Variants in SIPA1L1 observed in about 807,000 individuals in gnomAD.
SIPA1L1 encodes signal-induced proliferation-associated 1-like protein 1.
In SIPA1L1, 26 loss-of-function variants were observed where a neutral mutation model predicts 162.7. That is an observed-to-expected ratio of 0.16 (90% confidence interval 0.12 to 0.22). The LOEUF (loss-of-function observed/expected upper bound fraction) is 0.22. Ranked by LOEUF, SIPA1L1 falls within the 10% of genes least tolerant of loss-of-function variation. The pLI is 1.00. For missense variants in SIPA1L1, 1,874 were observed against 2,241.0 expected, an observed-to-expected ratio of 0.84 and a Z score of 3.31; for synonymous variants, 829 against 837.4, an observed-to-expected ratio of 0.99 and a Z score of 0.17.
chr14:71,380,582 C>CT (rs2039808084), intron 2 of SIPA1L1, among the ~76,000 whole-genome samples: 1 of 152,162 alleles, frequency 6.6e-6, no homozygotes, highest in Non-Finnish European at 1.5e-5. Flanking sequence ...GAGAACAAGA[C>CT]TTTAAGAGAA....
At chr14:71,479,332 T>TTTAG (rs1555433689) in intron 2 of SIPA1L1, among the ~76,000 whole-genome samples, 1 of 135,612 alleles carries the variant, frequency 7.4e-6, no homozygotes, top group East Asian at 2.2e-4. Flanking sequence ...TGTGTGTGTA[T>TTTAG]GTAGGTATGT....
chr14:71,334,556 C>A, intron 2 of SIPA1L1, among the ~76,000 whole-genome samples: 1 of 152,144 alleles, frequency 6.6e-6, no homozygotes, highest in East Asian at 1.9e-4. Context: ...GAGTGTGGTA[C>A]CAGACTTGCC....
In SIPA1L1 at chr14:71,702,495, T is replaced by C; in HGVS notation, c.3636T>C (p.Ala1212=). The C allele has an allele frequency of 5.6e-6, 9 of 1,614,120 alleles. No individual in the cohort carries two copies. Among genetic ancestry groups the C allele is most frequent in the Non-Finnish European group, 7.6e-6 (9 of 1,179,962 alleles). The change falls in exon 15 of 24, where the codon GCT becomes GCC. Residue 1212 remains alanine (A), a synonymous_variant. Coordinates refer to ENST00000381232, the MANE Select transcript of SIPA1L1 (RefSeq NM_001386936.1). Reference sequence around the variant, plus strand: ...GGCAAAGAAGTGAGGATAGCATTGCTGACCAGATGGGTAAGTAATCAATTT... The same window carrying C: ...GGCAAAGAAGTGAGGATAGCATTGCCGACCAGATGGGTAAGTAATCAATTT... ...PSWQRSEDSI[A]DQMEPTCHLP... is the part of the protein sequence containing the mutation.
intron 18 of SIPA1L1, among the ~76,000 whole-genome samples, chr14:71,724,104 T>G (rs2084009581): frequency 6.6e-6 from 1 of 152,234 alleles, no homozygotes; most frequent in African/African-American, 2.4e-5. Context: ...ATGTTAGGAT[T>G]TGAGAATCTT....
At chr14:71,492,375 AAG>A (rs1436412992) in intron 2 of SIPA1L1, among the ~76,000 whole-genome samples, 1 of 152,194 alleles carries the variant, frequency 6.6e-6, no homozygotes, top group Admixed American at 6.5e-5. Flanking sequence ...CCTGTTAAAA[AAG>A]AGCCAGAAGT....
intron 2 of SIPA1L1, chr14:71,321,528 C>T (rs1438162957): frequency 6.6e-6 from 1 of 152,318 alleles, no homozygotes; most frequent in Non-Finnish European, 1.5e-5. Context: ...CTCCAGTCAC[C>T]TGGGTGAGCG....
intron 4 of SIPA1L1, chr14:71,586,599 G>A (rs997563349): frequency 6.6e-6 from 1 of 152,198 alleles, no homozygotes; most frequent in Admixed American, 6.5e-5. Flanking sequence ...ACGCAACCAT[G>A]CAGAATTTTG....
intron 2 of SIPA1L1, chr14:71,467,285 T>A (rs1332195268): frequency 1.3e-5 from 2 of 152,242 alleles, no homozygotes; most frequent in African/African-American, 4.8e-5. Flanking sequence ...ATCAGGTTAT[T>A]TGAATCAAGT....
Position 71,635,565 on chromosome 14 carries a change from GATAT to G in SIPA1L1, c.1818+11335_1818+11338del, listed in dbSNP as rs1240758420. 2.6e-5 allele frequency among the ~76,000 whole-genome samples: 4 copies of G among 152,066 alleles called. No individual in the cohort carries two copies. In the East Asian group the frequency reaches 7.7e-4, roughly 29 times the overall value. On this transcript the variant is annotated intron_variant, in intron 7 of 23. Coordinates refer to ENST00000381232, the MANE Select transcript of SIPA1L1 (RefSeq NM_001386936.1). ...TGTAGATATCAACTACATAGATAAA[GATAT>G]ATATAGTAATACATAGAGCAATCAC...
chr14:71,738,401 G>C, intron 23 of SIPA1L1, 76 bp downstream of exon 23: 1 of 1,001,940 alleles, frequency 1.0e-6, no homozygotes, highest in Non-Finnish European at 1.5e-6. Flanking sequence ...TTTCTAAGTA[G>C]CATGGTAAAA....
intron 7 of SIPA1L1, among the ~76,000 whole-genome samples, chr14:71,624,743 C>T (rs2039800985): frequency 6.6e-6 from 1 of 152,120 alleles, no homozygotes; most frequent in African/African-American, 2.4e-5. Flanking sequence ...CAATTTCACA[C>T]AGTTAGTAAG....
intron 14 of SIPA1L1, among the ~76,000 whole-genome samples, chr14:71,700,157 AT>A (rs2081975456): frequency 6.6e-6 from 1 of 152,174 alleles, no homozygotes; most frequent in African/African-American, 2.4e-5. Context: ...GTTTTACCTT[AT>A]TGTTTATTTA....
intron 13 of SIPA1L1, 44 bp downstream of exon 13, chr14:71,685,675 A>C: frequency 6.2e-7 from 1 of 1,605,696 alleles, no homozygotes; most frequent in Non-Finnish European, 8.5e-7. Context: ...CTCTGCCCCA[A>C]ATGTAAGTAA....
chr14:71,385,985 C>T (rs1477417476), intron 2 of SIPA1L1, among the ~76,000 whole-genome samples: 3 of 152,304 alleles, frequency 2.0e-5, no homozygotes, highest in East Asian at 3.9e-4. Context: ...CGCACCTGGC[C>T]TGCACATTCT....
intron 4 of SIPA1L1, among the ~76,000 whole-genome samples, chr14:71,545,389 A>G (rs1462886770): frequency 6.6e-6 from 1 of 152,146 alleles, no homozygotes; most frequent in Non-Finnish European, 1.5e-5. Flanking sequence ...TTTTCAATAT[A>G]GATGTTTTGT....
intron 2 of SIPA1L1, among the ~76,000 whole-genome samples, chr14:71,400,329 T>G (rs2041571470): frequency 6.6e-6 from 1 of 152,224 alleles, no homozygotes; most frequent in African/African-American, 2.4e-5. Context: ...CTTATTTTCA[T>G]TTTAAAAATG....
chr14:71,329,120 G>A (rs758013185), intron 2 of SIPA1L1, among the ~76,000 whole-genome samples: 1 of 152,108 alleles, frequency 6.6e-6, no homozygotes, highest in Admixed American at 6.6e-5. Context: ...CTTTTTAAAG[G>A]TTTAATAGTA....
rs767436474 is a variant in SIPA1L1, at chr14:71,730,060, C to T, written c.4620C>T (p.His1540=). 1.4e-5 allele frequency: 23 copies of T among 1,613,546 alleles called. No individual in the cohort carries two copies. The highest frequency in any genetic ancestry group is 4.4e-5 in the South Asian group (4 of 91,030). ...GTCTTGATCCTGTTTTTCAGTTCCA[C>T]GCACTCTCCTCTCCTCAGTCTCCTT... The part of the protein sequence containing the change: ...TPESQKSFKF[H]ALSSPQSPFP... The change falls in exon 20 of 24, where the codon CAC becomes CAT. Residue 1540 remains histidine, a synonymous_variant. Coordinates refer to ENST00000381232, the MANE Select transcript of SIPA1L1 (RefSeq NM_001386936.1).
chr14:71,407,792 C>T (rs1450933091), intron 2 of SIPA1L1, among the ~76,000 whole-genome samples: 2 of 152,138 alleles, frequency 1.3e-5, no homozygotes, highest in Non-Finnish European at 1.5e-5. Flanking sequence ...TGGTGTATGG[C>T]CTTGTTTCTA....
Sources: gnomAD v4.1 joint callset for allele counts (sites outside exome capture counted in the v4.1 genomes callset) on GRCh38, gnomAD v4.1.1 for gene constraint, MANE v1.5 for transcripts, NCBI Gene and HGNC (gene_info 2026-07-23, HGNC 2026-07-21) for gene names.